GGTA1: variants seen among roughly 807,000 people sequenced by gnomAD.
GGTA1 encodes inactive N-acetyllactosaminide alpha-1,3-galactosyltransferase.
In GGTA1, 5 loss-of-function variants were observed where a neutral mutation model predicts 2.6. The ratio of observed to expected loss-of-function variants is 1.92; its 90% CI spans 1.00 to 4.04. GGTA1 has a LOEUF of 4.04. GGTA1 is among the 30% of genes most tolerant of loss of function. The probability of loss-of-function intolerance (pLI) is 0.00; values close to 1 mark genes in which losing one functional copy is unlikely to be tolerated. For missense variants in GGTA1, 50 were observed against 16.7 expected (o/e 2.99, Z -3.47); for synonymous variants, 17 against 5.0 (o/e 3.38, Z -3.19).
At chr9:121,459,387 G>A (rs1027166119) in intron 5 of GGTA1, among the ~76,000 whole-genome samples, 2 of 152,094 alleles carry the variant, frequency 1.3e-5, no homozygotes, top group Non-Finnish European at 2.9e-5. Context: ...AGTGAGCCAC[G>A]ATTGCACCAC....
At chr9:121,446,110 C>T (rs2118738096) in exon 8 of GGTA1, 1 of 152,376 alleles carries the variant, frequency 6.6e-6, no homozygotes, top group Non-Finnish European at 1.5e-5. Flanking sequence ...AAATCACCCA[C>T]ACTTCCTCCC....
chr9:121,473,319 C>CA (rs10712323), intron 1 of GGTA1, among the ~76,000 whole-genome samples: 6,386 of 96,322 alleles, frequency 0.066, 321 homozygotes, highest in East Asian at 0.11. Flanking sequence ...GACTCCATCT[C>CA]AAAAAAAAAA....
intron 1 of GGTA1, among the ~76,000 whole-genome samples, chr9:121,488,783 C>T (rs1016577099): frequency 6.6e-6 from 1 of 152,112 alleles, no homozygotes; most frequent in East Asian, 1.9e-4. Context: ...GTGGTGCATG[C>T]CTGTAATCTC....
At chr9:121,463,016 C>T (rs1270700666) in intron 3 of GGTA1, 2 of 221,840 alleles carry the variant, frequency 9.0e-6, no homozygotes, top group African/African-American at 2.4e-5. Flanking sequence ...AATATCTCCC[C>T]GGATACTTTT....
chr9:121,492,773 C>T (rs1251980453), intron 1 of GGTA1, among the ~76,000 whole-genome samples: 1 of 152,030 alleles, frequency 6.6e-6, no homozygotes. Flanking sequence ...CGCGCCCGGT[C>T]GAGTTCAGGG....
rs1044904168 is a variant in GGTA1 at position 121,480,246 on chromosome 9, T to G, written c.-9-12315A>C. Among the ~76,000 whole-genome samples the G allele has an allele frequency of 4.0e-5, 6 of 151,896 alleles. No homozygotes were observed. In the East Asian group the frequency reaches 1.2e-3, roughly 29 times the overall value. On this transcript the variant is annotated intron_variant, in intron 1 of 5. Coordinates refer to ENST00000481799, the MANE Select transcript of GGTA1 (RefSeq NM_001382585.1). ...GATTTTTTTGTATTTTTAGTAGAGA[T>G]AGGGTTTCACCACGTTGGCCAGGAT...
intron 3 of GGTA1, among the ~76,000 whole-genome samples, chr9:121,461,895 G>A (rs1484734280): frequency 6.6e-6 from 1 of 152,188 alleles, no homozygotes; most frequent in African/African-American, 2.4e-5. Flanking sequence ...AGAAAAATTT[G>A]GGTTGCCCAA....
chr9:121,497,091 G>T (rs1028362297), intron 1 of GGTA1, among the ~76,000 whole-genome samples: 2 of 152,058 alleles, frequency 1.3e-5, no homozygotes, highest in African/African-American at 4.8e-5. Context: ...TACTTGGGAG[G>T]CTGAGGTGGG....
intron 1 of GGTA1, among the ~76,000 whole-genome samples, chr9:121,488,599 C>T (rs1828808697): frequency 1.3e-5 from 2 of 152,174 alleles, no homozygotes; most frequent in African/African-American, 4.8e-5. Flanking sequence ...CACCTGTAAT[C>T]CCAGCTACTT....
intron 1 of GGTA1, among the ~76,000 whole-genome samples, chr9:121,496,788 G>C (rs956846124): frequency 6.8e-6 from 1 of 147,986 alleles, no homozygotes; most frequent in Non-Finnish European, 1.5e-5. Flanking sequence ...ATGAACCTAG[G>C]GGGCAGAGAT....
chr9:121,465,788 A>G (rs2065001333), intron 2 of GGTA1, among the ~76,000 whole-genome samples: 1 of 152,202 alleles, frequency 6.6e-6, no homozygotes, highest in South Asian at 2.1e-4. Flanking sequence ...GATGAGGAAG[A>G]GGAGGAGGAG....
chr9:121,479,356 G>A, intron 1 of GGTA1: 1 of 350,322 alleles, frequency 2.9e-6, no homozygotes, highest in Non-Finnish European at 5.6e-6. Context: ...ATAAACAGCT[G>A]TTTCAGGAGA....
intron 5 of GGTA1, among the ~76,000 whole-genome samples, chr9:121,459,268 A>G (rs2064939636): frequency 6.6e-6 from 1 of 152,106 alleles, no homozygotes; most frequent in Non-Finnish European, 1.5e-5. Flanking sequence ...AGCAACCTGG[A>G]CAACATAGTA....
downstream of GGTA1, among the ~76,000 whole-genome samples, chr9:121,453,542 C>T (rs944091141): frequency 1.6e-4 from 24 of 152,232 alleles, no homozygotes; most frequent in African/African-American, 5.3e-4. Context: ...GAGACTGGCA[C>T]AGGTCATTTA....
chr9:121,449,388 G>A (rs970502824), intron 7 of GGTA1, among the ~76,000 whole-genome samples: 1 of 152,202 alleles, frequency 6.6e-6, no homozygotes, highest in Non-Finnish European at 1.5e-5. Flanking sequence ...CTTCCAAAGT[G>A]GCTGTACCAT....
intron 1 of GGTA1, among the ~76,000 whole-genome samples, chr9:121,489,263 A>G (rs1828824321): frequency 6.6e-6 from 1 of 152,150 alleles, no homozygotes; most frequent in African/African-American, 2.4e-5. Flanking sequence ...CAGTGGCATG[A>G]TCACTGCTCA....
intron 1 of GGTA1, among the ~76,000 whole-genome samples, chr9:121,472,985 G>C (rs985659476): frequency 6.6e-6 from 1 of 152,112 alleles, no homozygotes; most frequent in African/African-American, 2.4e-5. Flanking sequence ...TCTATGGCTT[G>C]AATCTGCCTG....
chr9:121,477,871 G>A (rs895953762), intron 1 of GGTA1, among the ~76,000 whole-genome samples: 3 of 151,926 alleles, frequency 2.0e-5, no homozygotes, highest in East Asian at 3.9e-4. Flanking sequence ...GAACCACCAC[G>A]GCCAGCCCAT....
intron 1 of GGTA1, among the ~76,000 whole-genome samples, chr9:121,475,796 T>C (rs533544731): frequency 6.6e-6 from 1 of 152,304 alleles, no homozygotes; most frequent in African/African-American, 2.4e-5. Context: ...AGTAATTAAC[T>C]GGGTATTACT....
Sources: allele counts gnomAD v4.1 joint callset (sites outside exome capture counted in the v4.1 genomes callset), GRCh38; gene constraint gnomAD v4.1.1; transcripts MANE v1.5; gene names NCBI Gene and HGNC (gene_info 2026-07-23, HGNC 2026-07-21).